Variants in CNTNAP2 observed in about 807,000 individuals in gnomAD.
CNTNAP2 encodes the protein contactin-associated protein-like 2.
CNTNAP2 carries 98 observed loss-of-function variants against 155.2 expected under a neutral mutation model. The ratio of observed to expected loss-of-function variants is 0.63; its 90% CI spans 0.54 to 0.75. CNTNAP2 has a LOEUF of 0.75. Among genes scored for constraint, CNTNAP2 ranks in the 30% least tolerant of loss-of-function variants. CNTNAP2 has a pLI of 0.00. For synonymous variants in CNTNAP2, 651 were observed against 631.2 expected (o/e 1.03, Z -0.47); for missense variants, 1,727 against 1,688.1 (o/e 1.02, Z -0.40).
At chr7:147,144,866 T>C (rs941064251) in intron 8 of CNTNAP2, among the ~76,000 whole-genome samples, 1 of 152,184 alleles carries the variant, frequency 6.6e-6, no homozygotes, top group Admixed American at 6.5e-5. Context: ...CTGATCGGTA[T>C]TGTGTGAGTG....
At chr7:147,361,651 T>A (rs993465667) in intron 9 of CNTNAP2, among the ~76,000 whole-genome samples, 10 of 152,200 alleles carry the variant, frequency 6.6e-5, no homozygotes, top group Non-Finnish European at 1.0e-4. Flanking sequence ...AACTTACTTA[T>A]TGAGTAAGAT....
chr7:146,321,075 A>C (rs911391549), intron 1 of CNTNAP2, among the ~76,000 whole-genome samples: 7 of 152,046 alleles, frequency 4.6e-5, no homozygotes, highest in Non-Finnish European at 1.0e-4. Context: ...ATTGTAAAGT[A>C]AAGTATAAGG....
intron 23 of CNTNAP2, among the ~76,000 whole-genome samples, chr7:148,411,233 G>T (rs532261454): frequency 1.3e-5 from 2 of 151,880 alleles, no homozygotes; most frequent in Non-Finnish European, 1.5e-5. Flanking sequence ...AGTATAATAC[G>T]CATCTATAAG....
intron 13 of CNTNAP2, among the ~76,000 whole-genome samples, chr7:147,661,412 C>G (rs145515777): frequency 6.6e-6 from 1 of 152,132 alleles, no homozygotes; most frequent in African/African-American, 2.4e-5. Flanking sequence ...GTCTAACGAA[C>G]CTTCACTGAA....
At chr7:147,604,606 G>C (rs1477688425) in intron 12 of CNTNAP2, among the ~76,000 whole-genome samples, 2 of 152,120 alleles carry the variant, frequency 1.3e-5, no homozygotes, top group Admixed American at 6.5e-5. Flanking sequence ...TCTTCATTTG[G>C]AATAGGAAGC....
chr7:148,009,477 A>G (rs1192593678), intron 15 of CNTNAP2, among the ~76,000 whole-genome samples: 1 of 152,164 alleles, frequency 6.6e-6, no homozygotes, highest in Non-Finnish European at 1.5e-5. Flanking sequence ...ACATATGCAT[A>G]ATTAAATTTG....
At chr7:147,356,237 C>T (rs1196010460) in intron 9 of CNTNAP2, among the ~76,000 whole-genome samples, 1 of 152,108 alleles carries the variant, frequency 6.6e-6, no homozygotes, top group Non-Finnish European at 1.5e-5. Context: ...ATTCAACACC[C>T]CTTCATGCTG....
At chr7:148,162,796 G>A (rs1165367632) in intron 17 of CNTNAP2, among the ~76,000 whole-genome samples, 1 of 152,116 alleles carries the variant, frequency 6.6e-6, no homozygotes, top group African/African-American at 2.4e-5. Flanking sequence ...AGTAGTTCAA[G>A]ATCAGCCTGA....
At chr7:148,116,888 G>GT (rs577461357) in intron 15 of CNTNAP2, among the ~76,000 whole-genome samples, 101 of 152,266 alleles carry the variant, frequency 6.6e-4, no homozygotes, top group Non-Finnish European at 9.8e-4. Flanking sequence ...CAAATACCGT[G>GT]TTTTTTAAAA....
intron 1 of CNTNAP2, among the ~76,000 whole-genome samples, chr7:146,632,203 C>G (rs1799521964): frequency 6.6e-6 from 1 of 152,090 alleles, no homozygotes; most frequent in Non-Finnish European, 1.5e-5. Context: ...TTAGTGGATT[C>G]TTAGTGATTG....
chr7:148,002,652 A>C (rs1326239707), intron 15 of CNTNAP2, among the ~76,000 whole-genome samples: 1 of 152,182 alleles, frequency 6.6e-6, no homozygotes, highest in East Asian at 1.9e-4. Flanking sequence ...GGAAAAAATA[A>C]TGTAAGAAAA....
At chr7:146,512,823 TTAACTC>T (rs201935378) in intron 1 of CNTNAP2, among the ~76,000 whole-genome samples, 4,297 of 152,044 alleles carry the variant, frequency 0.028, 201 homozygotes, top group African/African-American at 0.098. Flanking sequence ...ATAATTTTGT[TTAACTC>T]CAATATTTGT....
chr7:147,987,385 A>T (rs1173397332), intron 15 of CNTNAP2, among the ~76,000 whole-genome samples: 1 of 152,208 alleles, frequency 6.6e-6, no homozygotes, highest in East Asian at 1.9e-4. Context: ...TCTGTTTTAC[A>T]ATTGACATGA....
At chr7:147,642,718 A>G (rs1002111092) in intron 13 of CNTNAP2, among the ~76,000 whole-genome samples, 1 of 152,202 alleles carries the variant, frequency 6.6e-6, no homozygotes, top group African/African-American at 2.4e-5. Flanking sequence ...AACAGTAAAT[A>G]TATCACTTTC....
chr7:148,328,587 G>T (rs1019670217), intron 21 of CNTNAP2, among the ~76,000 whole-genome samples: 1 of 152,098 alleles, frequency 6.6e-6, no homozygotes, highest in Non-Finnish European at 1.5e-5. Context: ...GAGGTTCACA[G>T]AACTCACATC....
At chr7:148,408,529 T>C (rs1169155495) in intron 22 of CNTNAP2, among the ~76,000 whole-genome samples, 2 of 152,252 alleles carry the variant, frequency 1.3e-5, no homozygotes, top group African/African-American at 2.4e-5. Context: ...ACACATTTCA[T>C]TGTACCAAAT....
At chr7:147,771,900 A>G (rs1165698012) in intron 13 of CNTNAP2, among the ~76,000 whole-genome samples, 4 of 152,116 alleles carry the variant, frequency 2.6e-5, no homozygotes, top group Non-Finnish European at 5.9e-5. Context: ...AGATAGTCCT[A>G]TATAATATTT....
intron 1 of CNTNAP2, among the ~76,000 whole-genome samples, chr7:146,128,921 C>T (rs970157392): frequency 6.6e-6 from 1 of 151,518 alleles, no homozygotes; most frequent in Non-Finnish European, 1.5e-5. Context: ...TGAGTCAAAA[C>T]CAAAAATGAA....
chr7:147,283,891 G>A (rs946246940), intron 8 of CNTNAP2, among the ~76,000 whole-genome samples: 3 of 151,694 alleles, frequency 2.0e-5, no homozygotes, highest in Non-Finnish European at 4.4e-5. Flanking sequence ...TTCCATATTG[G>A]TATGTCATTT....
Sources: allele counts gnomAD v4.1 joint callset (sites outside exome capture counted in the v4.1 genomes callset), GRCh38; gene constraint gnomAD v4.1.1; transcripts MANE v1.5; gene names NCBI Gene and HGNC (gene_info 2026-07-23, HGNC 2026-07-21).